KANK1: variants seen among roughly 807,000 people sequenced by gnomAD.
KANK1 encodes the protein KN motif and ankyrin repeat domain-containing protein 1.
A neutral mutation model predicts 106.2 loss-of-function variants in KANK1; 109 were observed. The ratio of observed to expected loss-of-function variants is 1.03; its 90% confidence interval spans 0.88 to 1.20. The LOEUF (loss-of-function observed/expected upper bound fraction) is 1.20, where lower values mean the gene tolerates loss of function less well. Among genes scored for constraint, KANK1 ranks in the 50% most tolerant of loss-of-function variants. The pLI is 0.00. For missense variants in KANK1, 2,399 were observed against 1,710.7 expected (o/e 1.40, Z -7.10); for synonymous variants, 873 against 652.2 (o/e 1.34, Z -5.16).
chr9:674,826 C>A (rs988832902), intron 1 of KANK1, among the ~76,000 whole-genome samples: 2 of 152,040 alleles, frequency 1.3e-5, no homozygotes, highest in African/African-American at 4.8e-5. Context: ...GCCTCAGCCT[C>A]CCGAGTAGCT....
intron 1 of KANK1, among the ~76,000 whole-genome samples, chr9:549,980 A>G (rs986671952): frequency 4.6e-5 from 7 of 152,032 alleles, no homozygotes; most frequent in African/African-American, 1.7e-4. Flanking sequence ...TACAAAGGAG[A>G]ATTAACACTG....
At chr9:704,326 T>C (rs920137351) in intron 2 of KANK1, among the ~76,000 whole-genome samples, 1 of 152,228 alleles carries the variant, frequency 6.6e-6, no homozygotes, top group African/African-American at 2.4e-5. Flanking sequence ...AAGTTCCTTC[T>C]AGTACATCGT....
intron 3 of KANK1, among the ~76,000 whole-genome samples, chr9:722,608 G>T (rs1829642712): frequency 6.6e-6 from 1 of 152,142 alleles, no homozygotes; most frequent in African/African-American, 2.4e-5. Context: ...CAAGTTCAGA[G>T]AATTGTTTAT....
chr9:661,155 A>G (rs555076000), intron 1 of KANK1, among the ~76,000 whole-genome samples: 1 of 152,228 alleles, frequency 6.6e-6, no homozygotes. Flanking sequence ...TTTAAGTTCT[A>G]GGGTACATGT....
chr9:740,931 T>C lies in KANK1; in HGVS notation c.3693T>C (p.Ser1231=). The change falls in exon 9 of 12, where the codon AGT becomes AGC. Residue 1231 remains serine, a synonymous_variant. Transcript: ENST00000382297. ...GTGGGGATGTGAATGCCAAAGCTAG[T>C]CAGGTTAGTGCGCCTGGTTCCTGTG... ...FGCGDVNAKA[S]QAGQTALMLA... is the part of the protein sequence containing the mutation. 6.2e-7 allele frequency: 1 copy of C among 1,614,158 alleles called. No homozygotes were observed. The highest frequency in any genetic ancestry group is 2.2e-5 in the East Asian group (1 of 44,878).
At chr9:739,588 C>A (rs10815589) in intron 8 of KANK1, among the ~76,000 whole-genome samples, 8,489 of 152,250 alleles carry the variant, frequency 0.056, 603 homozygotes, top group East Asian at 0.21. Context: ...GCTGGTGATA[C>A]AGTCAGCCAG....
At position 712,625 on chromosome 9, in the gene KANK1, T is replaced by G. The variant is rs773508574; in HGVS notation, c.1859T>G (p.Leu620Trp). 3 of 1,613,968 alleles carry G rather than the reference T, an allele frequency of 1.9e-6. No individual in the cohort carries two copies. Among genetic ancestry groups the G allele is most frequent in the South Asian group, 1.1e-5 (1 of 91,080 alleles). Residue 620 changes from leucine (L) to tryptophan (W), a missense_variant, in exon 3 of 12, where the codon TTG becomes TGG. Coordinates refer to ENST00000382297, the MANE Select transcript of KANK1 (RefSeq NM_015158.5). ...VNDLTLLKTN[L>W]NLKEVRSIGC... ...GACCTCACACTCCTCAAGACAAACTTGAATCTCAAAGAAGTGCGGTCTATC... is the reference window on the plus strand; with the variant it reads ...GACCTCACACTCCTCAAGACAAACTGGAATCTCAAAGAAGTGCGGTCTATC...
chr9:514,111 TCTTC>T (rs2059154662), intron 1 of KANK1, among the ~76,000 whole-genome samples: 1 of 125,466 alleles, frequency 8.0e-6, no homozygotes, highest in African/African-American at 3.6e-5. Context: ...TCCCTCCCTC[TCTTC>T]CTCCCTCTCT....
At chr9:667,288 T>C (rs576981642) in intron 1 of KANK1, among the ~76,000 whole-genome samples, 1 of 152,202 alleles carries the variant, frequency 6.6e-6, no homozygotes, top group South Asian at 2.1e-4. Context: ...CTTTTTTGTT[T>C]CTGATTTTAT....
intron 2 of KANK1, among the ~76,000 whole-genome samples, chr9:704,075 A>G (rs6477131): frequency 0.63 from 95,485 of 152,056 alleles, 31,024 homozygotes; most frequent in Middle Eastern, 0.69. Context: ...TTATTGTAAC[A>G]CTTTTCCAGT....
intron 1 of KANK1, among the ~76,000 whole-genome samples, chr9:515,155 A>G (rs935081395): frequency 6.6e-6 from 1 of 151,616 alleles, no homozygotes; most frequent in Non-Finnish European, 1.5e-5. Flanking sequence ...CATCCTGGCT[A>G]ACACAGTGAA....
intron 2 of KANK1, among the ~76,000 whole-genome samples, chr9:701,070 C>G (rs959617953): frequency 6.6e-6 from 1 of 152,114 alleles, no homozygotes; most frequent in African/African-American, 2.4e-5. Flanking sequence ...CACTTGAGCA[C>G]TTGAGCGTAG....
chr9:532,056 G>T lies in KANK1; in HGVS notation c.-84+27302G>T, dbSNP rs2060080508. Among the ~76,000 whole-genome samples the T allele has an allele frequency of 2.6e-5, 4 of 152,134 alleles. No individual in the cohort carries two copies. In the South Asian group the frequency reaches 8.3e-4, roughly 31 times the overall value. On this transcript the variant is annotated intron_variant, in intron 1 of 11. Transcript: ENST00000382297. ...ATTGGACATGAGCACAAACACAGAG[G>T]CGTTATAGACTAGACTGTAAAATCG... is the stretch of plus-strand genomic sequence containing the variant.
In KANK1 at chr9:741,001, T is replaced by C. The variant is rs7027152; in HGVS notation, c.3696+67T>C. On this transcript the variant is annotated intron_variant, in intron 9 of 11. Coordinates refer to ENST00000382297, the MANE Select transcript of KANK1 (RefSeq NM_015158.5). ...CCAGCAGACAGGACTGCGGTGGCCATTCTGGCAGAGCAGGCATAGATGCCA... is the reference window on the plus strand; with the variant it reads ...CCAGCAGACAGGACTGCGGTGGCCACTCTGGCAGAGCAGGCATAGATGCCA... The C allele has an allele frequency of 0.35, 548,879 of 1,565,842 alleles. 99,214 individuals are homozygous for C. The highest frequency in any genetic ancestry group is 0.4 in the South Asian group (34,259 of 85,316).
chr9:653,926 A>T (rs531701684), intron 1 of KANK1, among the ~76,000 whole-genome samples: 2 of 152,272 alleles, frequency 1.3e-5, no homozygotes, highest in African/African-American at 4.8e-5. Flanking sequence ...ACACTAGCAC[A>T]ACTGCTTTCA....
chr9:662,412 C>T (rs997249558), intron 1 of KANK1, among the ~76,000 whole-genome samples: 1 of 152,130 alleles, frequency 6.6e-6, no homozygotes, highest in Non-Finnish European at 1.5e-5. Flanking sequence ...CATCACGCTA[C>T]CTGACTTTAA....
rs528510065 is a variant in KANK1, at chr9:639,307, A to G, written c.-83-37583A>G. Among the ~76,000 whole-genome samples, 10 of 151,920 alleles carry G rather than the reference A, an allele frequency of 6.6e-5. No homozygotes were observed. In the South Asian group the frequency reaches 2.1e-3, roughly 32 times the overall value. ...TTTTCACATGGAGATTTGATCTTTG[A>G]TTATTTTATTTTTATTTATTTATTA... On this transcript the variant is annotated intron_variant, in intron 1 of 11. Coordinates refer to ENST00000382297, the MANE Select transcript of KANK1 (RefSeq NM_015158.5).
chr9:593,673 G>A (rs903698836), intron 1 of KANK1, among the ~76,000 whole-genome samples: 1 of 151,716 alleles, frequency 6.6e-6, no homozygotes, highest in African/African-American at 2.4e-5. Flanking sequence ...CAGAGGACCA[G>A]GGCTTGAGCA....
At chr9:552,611 G>A (rs1271002676) in intron 1 of KANK1, among the ~76,000 whole-genome samples, 2 of 152,186 alleles carry the variant, frequency 1.3e-5, no homozygotes, top group Non-Finnish European at 2.9e-5. Flanking sequence ...AATTTTGCCT[G>A]CCTTCTGCTT....
Sources: gnomAD v4.1 joint callset for allele counts (sites outside exome capture counted in the v4.1 genomes callset) on GRCh38, gnomAD v4.1.1 for gene constraint, MANE v1.5 for transcripts, NCBI Gene and HGNC (gene_info 2026-07-23, HGNC 2026-07-21) for gene names.